Variants in SLIT2 observed in about 807,000 individuals in gnomAD.
SLIT2 encodes the protein slit homolog 2 protein.
In SLIT2, 41 loss-of-function variants were observed where a neutral mutation model predicts 185.7. The observed-to-expected ratio is 0.22, with a 90% CI of 0.17 to 0.29. The LOEUF (loss-of-function observed/expected upper bound fraction) is 0.29, where lower values mean the gene tolerates loss of function less well. Ranked by LOEUF, SLIT2 falls within the 10% of genes least tolerant of loss-of-function variation. SLIT2 has a pLI of 1.00. For synonymous variants in SLIT2, 693 were observed against 680.2 expected, an observed-to-expected ratio of 1.02 and a Z score of -0.29; for missense variants, 1,571 against 1,909.0, an observed-to-expected ratio of 0.82 and a Z score of 3.30.
At chr4:20,562,342 T>C (rs533952243) in intron 26 of SLIT2, among the ~76,000 whole-genome samples, 1 of 151,982 alleles carries the variant, frequency 6.6e-6, no homozygotes, top group Admixed American at 6.6e-5. Context: ...TAGCATTCTA[T>C]CTTTAGCCCT....
At position 20,390,780 on chromosome 4, in the gene SLIT2, AT is replaced by A. The variant is rs71294310; in HGVS notation, c.396-76971del. On this transcript the variant is annotated intron_variant, in intron 4 of 36. Coordinates refer to ENST00000504154, the MANE Select transcript of SLIT2 (RefSeq NM_004787.4). ...TCTTATTTTTTTTTTTTAAAAAAAA[AT>A]ATATATATACTAAGACAATTAGACT... is the stretch of plus-strand genomic sequence containing the variant. 1.8e-3 allele frequency among the ~76,000 whole-genome samples: 164 copies of A among 92,310 alleles called. 2 individuals carry two copies. Among genetic ancestry groups the A allele is most frequent in the Middle Eastern group, 6.8e-3 (1 of 146 alleles). The allele number at this position is 92,310 out of a possible 152,430, so 60.6% of individuals were successfully genotyped here.
At chr4:20,442,832 A>G (rs988890903) in intron 4 of SLIT2, among the ~76,000 whole-genome samples, 2 of 152,182 alleles carry the variant, frequency 1.3e-5, no homozygotes, top group Admixed American at 1.3e-4. Flanking sequence ...AAAGTTTCAC[A>G]TCTACTTAAT....
intron 4 of SLIT2, among the ~76,000 whole-genome samples, chr4:20,421,668 A>G (rs1409210624): frequency 6.6e-6 from 1 of 152,180 alleles, no homozygotes; most frequent in African/African-American, 2.4e-5. Flanking sequence ...AAAAATATAA[A>G]TAGATTTATT....
intron 4 of SLIT2, among the ~76,000 whole-genome samples, chr4:20,419,789 A>G (rs1019299268): frequency 6.6e-6 from 1 of 151,932 alleles, no homozygotes; most frequent in Non-Finnish European, 1.5e-5. Context: ...CTTGCATTAA[A>G]GTTGAATATT....
intron 9 of SLIT2, among the ~76,000 whole-genome samples, chr4:20,508,332 C>T (rs748455884): frequency 6.6e-6 from 1 of 151,904 alleles, no homozygotes; most frequent in Non-Finnish European, 1.5e-5. Context: ...AAAAGGAGGC[C>T]ATGCTTTCAC....
chr4:20,487,326 C>G (rs546831170), intron 7 of SLIT2, among the ~76,000 whole-genome samples: 37 of 152,148 alleles, frequency 2.4e-4, no homozygotes, highest in Admixed American at 2.2e-3. Context: ...GAATTAACAG[C>G]CTAGTTCACT....
chr4:20,501,256 G>A (rs184901073), intron 9 of SLIT2, among the ~76,000 whole-genome samples: 26 of 152,262 alleles, frequency 1.7e-4, no homozygotes, highest in Admixed American at 1.7e-3. Flanking sequence ...GTTCTACAAT[G>A]TGTTTCCACA....
chr4:20,617,495 T>C lies in SLIT2; in HGVS notation c.4193T>C (p.Leu1398Ser), dbSNP rs1729760869. The part of the protein sequence containing the change: ...INAFSYSCKC[L>S]EGHGGVLCDE... The stretch of plus-strand genomic sequence containing the variant: ...GCGTTCTCCTACAGCTGTAAGTGCT[T>C]GGAGGGCCATGGAGGTGTCCTCTGT... The change falls in exon 36 of 37, where the codon TTG becomes TCG. Residue 1398 changes from leucine (L) to serine (S), a missense_variant. Physicochemically the swap from Leu to Ser is moderately radical, Grantham distance 145. This residue lies in a region of SLIT2 where 223 missense variants were observed against 245.2 expected (regional missense o/e 0.91). Transcript: ENST00000504154. 1.2e-6 allele frequency: 2 copies of C among 1,613,970 alleles called. No individual in the cohort carries two copies. Among genetic ancestry groups the C allele is most frequent in the Non-Finnish European group, 8.5e-7 (1 of 1,179,994 alleles).
Position 20,252,593 on chromosome 4 carries a change from C to T in SLIT2, c.-1223C>T, listed in dbSNP as rs916197575. On this transcript the variant is annotated 5_prime_UTR_variant, in exon 1 of 37. Transcript: ENST00000504154. ...TAGTGGGAGACCGCCGGGGGCCGGCCGTGGCTCTGCGCCCTCCGGAACCCG... is the reference window on the plus strand; with the variant it reads ...TAGTGGGAGACCGCCGGGGGCCGGCTGTGGCTCTGCGCCCTCCGGAACCCG... 6.6e-6 allele frequency among the ~76,000 whole-genome samples: 1 copy of T among 152,240 alleles called. No homozygotes were observed. The highest frequency in any genetic ancestry group is 1.9e-4 in the East Asian group (1 of 5,170).
At chr4:20,590,890 A>G (rs1191856438) in intron 30 of SLIT2, among the ~76,000 whole-genome samples, 2 of 152,154 alleles carry the variant, frequency 1.3e-5, no homozygotes, top group African/African-American at 2.4e-5. Flanking sequence ...TAGGATTTAT[A>G]CTTACCAGTT....
chr4:20,551,617 A>G (rs1250478856), intron 25 of SLIT2, among the ~76,000 whole-genome samples: 5 of 152,138 alleles, frequency 3.3e-5, no homozygotes, highest in South Asian at 2.1e-4. Context: ...TTAGGATCCA[A>G]AGCCTCCTTG....
chr4:20,435,880 C>T (rs1157775944), intron 4 of SLIT2, among the ~76,000 whole-genome samples: 2 of 152,062 alleles, frequency 1.3e-5, no homozygotes, highest in African/African-American at 4.8e-5. Flanking sequence ...ATTTAACTTG[C>T]ATTTGTGGGA....
intron 4 of SLIT2, among the ~76,000 whole-genome samples, chr4:20,410,926 A>G (rs1282904462): frequency 1.3e-5 from 2 of 152,152 alleles, no homozygotes; most frequent in Non-Finnish European, 2.9e-5. Context: ...TGAATTTTAA[A>G]GTATTTTTTT....
In SLIT2 at chr4:20,524,038, T is replaced by G; in HGVS notation, c.1299T>G (p.Ile433Met). 1 of 1,614,182 alleles carries G rather than the reference T, an allele frequency of 6.2e-7. No homozygotes were observed. The highest frequency in any genetic ancestry group is 8.5e-7 in the Non-Finnish European group (1 of 1,180,032). ...GGCATTTGGCCCAGAACCCCTTTAT[T>G]TGTGACTGCCATCTCAAGTGGCTAG... ...QTMHLAQNPF[I>M]CDCHLKWLAD... The change falls in exon 14 of 37, where the codon ATT (isoleucine) becomes ATG (methionine). Residue 433 changes from isoleucine to methionine, a missense_variant. Physicochemically the swap from Ile to Met is conservative, Grantham distance 10. Around this residue, in one of 3 missense-constraint regions of SLIT2, gnomAD observed 1,202 missense variants for 1,416.4 expected, o/e 0.85. Transcript: ENST00000504154.
At chr4:20,540,860 A>G (rs1430524102) in intron 19 of SLIT2, among the ~76,000 whole-genome samples, 2 of 152,220 alleles carry the variant, frequency 1.3e-5, no homozygotes, top group African/African-American at 4.8e-5. Context: ...CAATAGGTTT[A>G]TGCTGAAGTG....
intron 5 of SLIT2, among the ~76,000 whole-genome samples, chr4:20,469,986 C>T (rs572968498): frequency 1.2e-3 from 179 of 152,022 alleles, no homozygotes; most frequent in Non-Finnish European, 1.8e-3. Flanking sequence ...AACTCCTGAC[C>T]TCAGGTGATC....
chr4:20,459,152 G>A (rs1177818701), intron 4 of SLIT2, among the ~76,000 whole-genome samples: 1 of 151,840 alleles, frequency 6.6e-6, no homozygotes, highest in Non-Finnish European at 1.5e-5. Context: ...AACAGTTTTG[G>A]TGTAGGAACA....
chr4:20,291,492 ATTTTTTTTTTTTTTTTTTTTTTTTT>A (rs1157453738), intron 4 of SLIT2, among the ~76,000 whole-genome samples: 1 of 18,264 alleles, frequency 5.5e-5, no homozygotes, highest in South Asian at 2.0e-3. Flanking sequence ...ATATATATAT[ATTTTTTTTTTTTTTTTTTTTTTTTT>A]TTTTTTACAG....
At chr4:20,341,406 G>T (rs1311949293) in intron 4 of SLIT2, among the ~76,000 whole-genome samples, 1 of 152,180 alleles carries the variant, frequency 6.6e-6, no homozygotes, top group African/African-American at 2.4e-5. Flanking sequence ...TTACTGTTTT[G>T]TTTACTGTAA....
Sources: allele counts gnomAD v4.1 joint callset (sites outside exome capture counted in the v4.1 genomes callset), GRCh38; gene constraint gnomAD v4.1.1; regional missense constraint gnomAD v4.1.1; transcripts MANE v1.5; gene names NCBI Gene and HGNC (gene_info 2026-07-23, HGNC 2026-07-21).